TJP1: variants seen among roughly 807,000 people sequenced by gnomAD.
TJP1 encodes the protein tight junction protein 1.
Under a neutral mutation model 194.2 loss-of-function variants are expected in TJP1, and 43 were observed. The observed-to-expected ratio is 0.22, with a 90% CI of 0.17 to 0.29. The LOEUF (loss-of-function observed/expected upper bound fraction) is 0.29. TJP1 is among the 10% of genes least tolerant of loss of function. The pLI is 1.00. For missense variants in TJP1, 1,971 were observed against 2,185.7 expected, an observed-to-expected ratio of 0.90 and a Z score of 1.96; for synonymous variants, 801 against 779.0, an observed-to-expected ratio of 1.03 and a Z score of -0.47.
intron 2 of TJP1, among the ~76,000 whole-genome samples, chr15:29,777,947 TTACTC>T (rs1011096711): frequency 2.2e-4 from 34 of 152,244 alleles, no homozygotes; most frequent in Non-Finnish European, 4.7e-4. Context: ...ATTTGAAAAA[TTACTC>T]TATGTAATTT....
At chr15:29,766,045 C>T (rs2046311641) in intron 5 of TJP1, among the ~76,000 whole-genome samples, 1 of 152,184 alleles carries the variant, frequency 6.6e-6, no homozygotes, top group African/African-American at 2.4e-5. Context: ...CACAACAAAT[C>T]CAAAAGCCAA....
chr15:29,784,845 A>G (rs1406929127), intron 2 of TJP1, among the ~76,000 whole-genome samples: 1 of 152,192 alleles, frequency 6.6e-6, no homozygotes, highest in Non-Finnish European at 1.5e-5. Context: ...TGTAACAGCT[A>G]TATGATCTAG....
chr15:29,780,122 C>T (rs772606501), intron 2 of TJP1, among the ~76,000 whole-genome samples: 1 of 152,136 alleles, frequency 6.6e-6, no homozygotes, highest in Non-Finnish European at 1.5e-5. Flanking sequence ...AATTTTTCCA[C>T]AGACCGGCAG....
At chr15:29,775,028 C>T (rs750187170) in intron 2 of TJP1, among the ~76,000 whole-genome samples, 4 of 152,084 alleles carry the variant, frequency 2.6e-5, no homozygotes, top group Non-Finnish European at 5.9e-5. Flanking sequence ...AATTGCACAC[C>T]GTTATGAGCA....
intron 1 of TJP1, among the ~76,000 whole-genome samples, chr15:29,813,874 A>G (rs1436140548): frequency 6.6e-6 from 1 of 152,254 alleles, no homozygotes; most frequent in African/African-American, 2.4e-5. Flanking sequence ...CGAGGTAACC[A>G]ACAAATATCT....
intron 2 of TJP1, among the ~76,000 whole-genome samples, chr15:29,941,119 A>C (rs2055058551): frequency 1.3e-5 from 2 of 152,218 alleles, no homozygotes; most frequent in Admixed American, 1.3e-4. Context: ...CAAAAATAAA[A>C]GATGAACTCT....
intron 2 of TJP1, among the ~76,000 whole-genome samples, chr15:29,921,884 G>A (rs1161187265): frequency 1.4e-5 from 2 of 145,220 alleles, no homozygotes; most frequent in African/African-American, 5.1e-5. Context: ...TGCTCTCGTT[G>A]CCCAGGCTGG....
chr15:29,808,520 G>C (rs566821371), intron 1 of TJP1, among the ~76,000 whole-genome samples: 2 of 152,268 alleles, frequency 1.3e-5, no homozygotes, highest in East Asian at 3.9e-4. Flanking sequence ...TAACCTGACA[G>C]AACTGTAAGT....
chr15:29,799,157 A>T (rs1203706622), intron 2 of TJP1, among the ~76,000 whole-genome samples: 1 of 152,180 alleles, frequency 6.6e-6, no homozygotes, highest in Non-Finnish European at 1.5e-5. Flanking sequence ...AAAAACAATA[A>T]AAGTCTTAAT....
At chr15:29,909,106 A>G (rs4503741) in intron 2 of TJP1, among the ~76,000 whole-genome samples, 40,160 of 149,414 alleles carry the variant, frequency 0.27, 5,829 homozygotes, top group African/African-American at 0.38. Flanking sequence ...GCAGTGAGCC[A>G]AGATTGCGCC....
intron 2 of TJP1, among the ~76,000 whole-genome samples, chr15:29,883,000 T>C (rs1473873151): frequency 6.6e-6 from 1 of 152,178 alleles, no homozygotes; most frequent in Non-Finnish European, 1.5e-5. Flanking sequence ...TAAATTCTTT[T>C]AAAAAGGTTG....
intron 2 of TJP1, among the ~76,000 whole-genome samples, chr15:29,874,757 T>C (rs2052641002): frequency 6.6e-6 from 1 of 152,230 alleles, no homozygotes; most frequent in South Asian, 2.1e-4. Context: ...TGATTTCCTA[T>C]TTAATGAAGA....
chr15:29,782,285 C>T (rs1251060679), intron 2 of TJP1, among the ~76,000 whole-genome samples: 1 of 152,056 alleles, frequency 6.6e-6, no homozygotes, highest in Non-Finnish European at 1.5e-5. Flanking sequence ...TTAGGTTACC[C>T]AGCTTCAAAC....
intron 2 of TJP1, among the ~76,000 whole-genome samples, chr15:29,854,921 A>G (rs2051789137): frequency 6.6e-6 from 1 of 152,242 alleles, no homozygotes; most frequent in African/African-American, 2.4e-5. Flanking sequence ...GTTAGAAACA[A>G]CTAACTTTTA....
At position 29,732,772 on chromosome 15, in the gene TJP1, C is replaced by G; in HGVS notation, c.1780G>C (p.Ala594Pro). The G allele has an allele frequency of 6.2e-7, 1 of 1,613,756 alleles. No individual in the cohort carries two copies. Among genetic ancestry groups the G allele is most frequent in the South Asian group, 1.1e-5 (1 of 91,014 alleles). Residue 594 changes from alanine to proline, a missense_variant, in exon 14 of 28, where the codon GCA becomes CCA. By Grantham distance (27) the Ala-to-Pro change is conservative (BLOSUM62 -1). This residue lies in a region of TJP1 where 402 missense variants were observed against 484.2 expected (regional missense o/e 0.83). Coordinates refer to ENST00000614355, the MANE Select transcript of TJP1 (RefSeq NM_001330239.4). ...CAGAAGTCAGCACGGTCTCCGCCTG[C>G]TGTTTTTGGAAGTGTATACTGTACA... ...ASVQYTLPKT[A>P]GGDRADFWRF...
intron 4 of TJP1, among the ~76,000 whole-genome samples, chr15:29,771,331 A>G (rs1029835845): frequency 6.6e-6 from 1 of 152,248 alleles, no homozygotes; most frequent in Non-Finnish European, 1.5e-5. Context: ...AGTGAACTGA[A>G]TACTGTAAGC....
intron 1 of TJP1, among the ~76,000 whole-genome samples, chr15:29,812,445 G>A (rs1243858508): frequency 6.6e-6 from 1 of 152,214 alleles, no homozygotes; most frequent in Non-Finnish European, 1.5e-5. Flanking sequence ...GATCTGGCCT[G>A]TCTTCTTCCA....
rs45553231 is a variant in TJP1 at position 29,765,601 on chromosome 15, A to G, written c.589+665T>C. Among the ~76,000 whole-genome samples the G allele has an allele frequency of 3.1e-3, 478 of 152,290 alleles. 1 individual carries two copies. The highest frequency in any genetic ancestry group is 5.7e-3 in the Non-Finnish European group (390 of 68,020). Reference sequence around the variant, plus strand: ...AAAACAGTCTGGAGTGAGGGGGAAGAAGTCCCAGCAGGGCACAGTGGCTTC... The same window carrying G: ...AAAACAGTCTGGAGTGAGGGGGAAGGAGTCCCAGCAGGGCACAGTGGCTTC... On this transcript the variant is annotated intron_variant, in intron 5 of 27. Transcript: ENST00000614355.
intron 2 of TJP1, among the ~76,000 whole-genome samples, chr15:29,919,124 T>C (rs1301232030): frequency 3.9e-5 from 6 of 152,210 alleles, no homozygotes; most frequent in Non-Finnish European, 8.8e-5. Flanking sequence ...AAGGTCTCAA[T>C]AGCAACATTC....
Sources: allele counts gnomAD v4.1 joint callset (sites outside exome capture counted in the v4.1 genomes callset), GRCh38; gene constraint gnomAD v4.1.1; regional missense constraint gnomAD v4.1.1; transcripts MANE v1.5; gene names NCBI Gene and HGNC (gene_info 2026-07-23, HGNC 2026-07-21).